Variants in GRM1 observed in about 807,000 individuals in gnomAD.
GRM1 encodes metabotropic glutamate receptor 1.
GRM1 carries 33 observed loss-of-function variants against 90.9 expected under a neutral mutation model. That is an observed-to-expected ratio of 0.36 (90% CI 0.28 to 0.49). GRM1 has a LOEUF of 0.49. Ranked by LOEUF, GRM1 falls within the 20% of genes least tolerant of loss-of-function variation. The pLI is 0.99. For missense variants in GRM1, 1,190 were observed against 1,534.3 expected (o/e 0.78, Z 3.75); for synonymous variants, 700 against 613.2 (o/e 1.14, Z -2.09).
intron 2 of GRM1, among the ~76,000 whole-genome samples, chr6:146,291,562 A>G (rs1782987020): frequency 6.6e-6 from 1 of 151,808 alleles, no homozygotes; most frequent in Non-Finnish European, 1.5e-5. Context: ...TGCTACCACA[A>G]ATACTTCTTA....
intron 2 of GRM1, among the ~76,000 whole-genome samples, chr6:146,219,155 A>G (rs1479731335): frequency 6.6e-6 from 1 of 152,216 alleles, no homozygotes; most frequent in Non-Finnish European, 1.5e-5. Context: ...GCCTTAAGAA[A>G]TAGCATTTAA....
chr6:146,316,949 G>A (rs1262878606), intron 3 of GRM1, among the ~76,000 whole-genome samples: 3 of 152,152 alleles, frequency 2.0e-5, no homozygotes, highest in African/African-American at 7.2e-5. Context: ...TTTAAATGTA[G>A]TTTCCTTTTT....
chr6:146,144,013 G>T (rs1776996313), intron 1 of GRM1, among the ~76,000 whole-genome samples: 2 of 152,112 alleles, frequency 1.3e-5, no homozygotes, highest in South Asian at 4.1e-4. Flanking sequence ...GCCTACTTGG[G>T]CTACCAAACA....
chr6:146,186,074 G>A (rs886875198), intron 2 of GRM1, among the ~76,000 whole-genome samples: 4 of 149,148 alleles, frequency 2.7e-5, no homozygotes, highest in African/African-American at 7.4e-5. Context: ...TCAGCCTCCC[G>A]AGTAGCTGGA....
rs35329703 is a variant in GRM1 at position 146,146,103 on chromosome 6, C to CTTTTTTTTTTTTTTTT, written c.701-13224_701-13209dup. Among the ~76,000 whole-genome samples, 37 of 19,988 alleles carry CTTTTTTTTTTTTTTTT rather than the reference C, an allele frequency of 1.9e-3. 13 individuals are homozygous for CTTTTTTTTTTTTTTTT. The highest frequency in any genetic ancestry group is 3.7e-3 in the Non-Finnish European group (35 of 9,440). The allele number at this position is 19,988 out of a possible 152,430, so 13.1% of individuals were successfully genotyped here. On this transcript the variant is annotated intron_variant, in intron 1 of 7. Transcript: ENST00000282753. ...CTGTGCCTATGTACTACCATTGTAT[C>CTTTTTTTTTTTTTTTT]TTTTTTTTTTTTTTTTTTTTTTTTT...
intron 7 of GRM1, among the ~76,000 whole-genome samples, chr6:146,410,134 A>G (rs1248441650): frequency 6.6e-6 from 1 of 152,180 alleles, no homozygotes; most frequent in Non-Finnish European, 1.5e-5. Context: ...AGAAATTATG[A>G]TAGTGGAGTT....
At chr6:146,090,638 G>A (rs1776685054) in intron 1 of GRM1, among the ~76,000 whole-genome samples, 1 of 152,072 alleles carries the variant, frequency 6.6e-6, no homozygotes, top group African/African-American at 2.4e-5. Context: ...GTCAGGGCAA[G>A]TTCAGCCACA....
At chr6:146,124,616 G>A (rs967147654) in intron 1 of GRM1, among the ~76,000 whole-genome samples, 1 of 152,104 alleles carries the variant, frequency 6.6e-6, no homozygotes, top group East Asian at 1.9e-4. Flanking sequence ...TGTGGCATAA[G>A]AATTGGTTAT....
intron 2 of GRM1, among the ~76,000 whole-genome samples, chr6:146,297,374 A>G (rs1008608288): frequency 6.6e-6 from 1 of 151,982 alleles, no homozygotes; most frequent in African/African-American, 2.4e-5. Context: ...GTTAGCCAGG[A>G]TGGTCTCAAT....
intron 5 of GRM1, 30 bp downstream of exon 5, chr6:146,357,724 T>G: frequency 1.9e-6 from 3 of 1,590,266 alleles, no homozygotes; most frequent in Non-Finnish European, 2.6e-6. Context: ...TTGCATGGTA[T>G]CTGTGAGGAG....
chr6:146,167,261 T>C (rs1017545799), intron 2 of GRM1, among the ~76,000 whole-genome samples: 1 of 152,170 alleles, frequency 6.6e-6, no homozygotes, highest in Non-Finnish European at 1.5e-5. Context: ...GGCATAGATA[T>C]ATCTCAACTT....
chr6:146,192,200 G>A (rs536677259), intron 2 of GRM1, among the ~76,000 whole-genome samples: 1 of 152,280 alleles, frequency 6.6e-6, no homozygotes, highest in Admixed American at 6.5e-5. Context: ...AATGAGAATG[G>A]TTATGGTAAC....
chr6:146,147,877 TA>T (rs1374671971), intron 1 of GRM1, among the ~76,000 whole-genome samples: 3 of 151,880 alleles, frequency 2.0e-5, no homozygotes, highest in Admixed American at 2.0e-4. Context: ...GTCTTCAACT[TA>T]AAAAAAGAAA....
At position 146,391,598 on chromosome 6, in the gene GRM1, T is replaced by C. The variant is rs1776725276; in HGVS notation, c.1729+4582T>C. Among the ~76,000 whole-genome samples, 4 of 152,124 alleles carry C rather than the reference T, an allele frequency of 2.6e-5. No homozygotes were observed. In the South Asian group the frequency reaches 8.3e-4, roughly 32 times the overall value. Reference sequence around the variant, plus strand: ...AAACAGGATCTCAAAGAAAGCCACATAACATGACATTACATAATTGGACAA... The same window carrying C: ...AAACAGGATCTCAAAGAAAGCCACACAACATGACATTACATAATTGGACAA... On this transcript the variant is annotated intron_variant, in intron 6 of 7. Transcript: ENST00000282753.
At chr6:146,166,943 C>T (rs1329595280) in intron 2 of GRM1, among the ~76,000 whole-genome samples, 1 of 152,056 alleles carries the variant, frequency 6.6e-6, no homozygotes, top group Non-Finnish European at 1.5e-5. Context: ...ACTAAATTCA[C>T]CAATTTTATG....
At chr6:146,140,103 TTC>T (rs1040596200) in intron 1 of GRM1, among the ~76,000 whole-genome samples, 9 of 113,954 alleles carry the variant, frequency 7.9e-5, no homozygotes, top group Admixed American at 7.6e-4. Flanking sequence ...CTTTCTTTCT[TTC>T]TTTCTTTCTT....
At chr6:146,411,824 G>A (rs1327466364) in intron 7 of GRM1, among the ~76,000 whole-genome samples, 2 of 152,148 alleles carry the variant, frequency 1.3e-5, no homozygotes, top group Non-Finnish European at 2.9e-5. Context: ...TGGGCTACAA[G>A]ACCTATAAAA....
intron 1 of GRM1, among the ~76,000 whole-genome samples, chr6:146,149,739 T>C (rs1777251220): frequency 6.6e-6 from 1 of 152,158 alleles, no homozygotes; most frequent in Non-Finnish European, 1.5e-5. Flanking sequence ...GGACAAAGAT[T>C]ACTTGGCCTC....
chr6:146,418,616 A>G (rs1247376489), intron 7 of GRM1, among the ~76,000 whole-genome samples: 1 of 151,702 alleles, frequency 6.6e-6, no homozygotes, highest in Middle Eastern at 3.2e-3. Context: ...ATTAAATTTT[A>G]TAATTAATTT....
Sources: gnomAD v4.1 joint callset for allele counts (sites outside exome capture counted in the v4.1 genomes callset) on GRCh38, gnomAD v4.1.1 for gene constraint, MANE v1.5 for transcripts, NCBI Gene and HGNC (gene_info 2026-07-23, HGNC 2026-07-21) for gene names.